GRID2: variants seen among roughly 807,000 people sequenced by gnomAD.
GRID2 encodes the protein glutamate receptor ionotropic, delta-2.
GRID2 carries 33 observed loss-of-function variants against 114.8 expected under a neutral mutation model. The ratio of observed to expected loss-of-function variants is 0.29; its 90% confidence interval spans 0.22 to 0.38. The LOEUF is 0.38. Among genes scored for constraint, GRID2 ranks in the 10% least tolerant of loss-of-function variants. The pLI is 1.00. For missense variants in GRID2, 1,184 were observed against 1,257.7 expected (o/e 0.94, Z 0.89); for synonymous variants, 505 against 449.9 (o/e 1.12, Z -1.55).
intron 2 of GRID2, among the ~76,000 whole-genome samples, chr4:92,634,113 G>GC: frequency 7.3e-6 from 1 of 136,322 alleles, no homozygotes; most frequent in East Asian, 2.4e-4. Context: ...AACAAAAATT[G>GC]CAAAAAAAAA....
intron 2 of GRID2, among the ~76,000 whole-genome samples, chr4:92,811,791 A>G (rs1166023647): frequency 6.6e-6 from 1 of 152,128 alleles, no homozygotes; most frequent in African/African-American, 2.4e-5. Context: ...TAACAATGTG[A>G]ATATCATTGA....
intron 3 of GRID2, among the ~76,000 whole-genome samples, chr4:93,094,154 A>G (rs574017458): frequency 6.6e-6 from 1 of 152,112 alleles, no homozygotes; most frequent in East Asian, 1.9e-4. Flanking sequence ...TGCTTCAGGA[A>G]AAAAAGGGTG....
chr4:92,527,644 G>A (rs964633982), intron 1 of GRID2, among the ~76,000 whole-genome samples: 3 of 151,946 alleles, frequency 2.0e-5, no homozygotes, highest in African/African-American at 7.2e-5. Flanking sequence ...CTATGGCAAA[G>A]GTAATAAGAC....
intron 2 of GRID2, among the ~76,000 whole-genome samples, chr4:92,763,664 A>C (rs574676636): frequency 2.0e-5 from 3 of 152,280 alleles, no homozygotes; most frequent in Non-Finnish European, 2.9e-5. Flanking sequence ...AATTTTTTGT[A>C]GGATGATCAT....
At chr4:93,316,316 GA>G (rs1560490660) in intron 8 of GRID2, among the ~76,000 whole-genome samples, 28,847 of 137,930 alleles carry the variant, frequency 0.21, 5,013 homozygotes, top group East Asian at 0.52. Flanking sequence ...AAGAAAGAAA[GA>G]AAGAAAGAAA....
chr4:92,884,726 C>A, intron 2 of GRID2: 1 of 228,046 alleles, frequency 4.4e-6, no homozygotes, highest in Admixed American at 5.6e-5. Flanking sequence ...TACCTGAAGC[C>A]TCCTTTAATG....
chr4:92,720,504 A>T (rs1184730670), intron 2 of GRID2, among the ~76,000 whole-genome samples: 3 of 151,964 alleles, frequency 2.0e-5, no homozygotes, highest in Admixed American at 6.6e-5. Flanking sequence ...TACACTAATT[A>T]AAAAAAGCTC....
chr4:93,608,199 T>C (rs1287913434), intron 13 of GRID2, among the ~76,000 whole-genome samples: 1 of 150,418 alleles, frequency 6.6e-6, no homozygotes, highest in East Asian at 1.9e-4. Flanking sequence ...AAAAATTCCT[T>C]CCTTATATGT....
intron 2 of GRID2, among the ~76,000 whole-genome samples, chr4:92,653,671 T>TCA (rs1458810356): frequency 6.6e-6 from 1 of 152,086 alleles, no homozygotes; most frequent in Non-Finnish European, 1.5e-5. Flanking sequence ...ATGCTGTACT[T>TCA]GCTGGATGTT....
chr4:93,174,986 A>G (rs1345277575), intron 4 of GRID2, among the ~76,000 whole-genome samples: 3 of 152,094 alleles, frequency 2.0e-5, no homozygotes, highest in Non-Finnish European at 4.4e-5. Context: ...TAAATGTCCA[A>G]TAGTGTAATT....
In GRID2 at chr4:92,701,741, C is replaced by A. The variant is rs181964965; in HGVS notation, c.244+111455C>A. On this transcript the variant is annotated intron_variant, in intron 2 of 15. Coordinates refer to ENST00000282020, the MANE Select transcript of GRID2 (RefSeq NM_001510.4). ...CCTCAATTATATAGCACTATCAAATCAAAAATTAGACTTTTGGCATATGAT... is the reference window on the plus strand; with the variant it reads ...CCTCAATTATATAGCACTATCAAATAAAAAATTAGACTTTTGGCATATGAT... 3.7e-3 allele frequency among the ~76,000 whole-genome samples: 558 copies of A among 152,184 alleles called. 1 individual carries two copies. Among genetic ancestry groups the A allele is most frequent in the Non-Finnish European group, 6.3e-3 (431 of 68,004 alleles).
rs180693151 is a variant in GRID2, at chr4:92,836,803, C to T, written c.244+246517C>T. Among the ~76,000 whole-genome samples, 212 of 152,068 alleles carry T rather than the reference C, an allele frequency of 1.4e-3. 1 individual carries two copies. The South Asian group carries it at 0.022, about 16-fold the overall frequency. On this transcript the variant is annotated intron_variant, in intron 2 of 15. Transcript: ENST00000282020. Reference sequence around the variant, plus strand: ...TTGACTTAGTTTAGTATTTGGTAAACCACATAGACTACAAAATAGTCCCAT... The same window carrying T: ...TTGACTTAGTTTAGTATTTGGTAAATCACATAGACTACAAAATAGTCCCAT...
chr4:92,629,912 T>C (rs1241677268), intron 2 of GRID2, among the ~76,000 whole-genome samples: 1 of 147,742 alleles, frequency 6.8e-6, no homozygotes, highest in African/African-American at 2.4e-5. Flanking sequence ...TTATAAATTA[T>C]ATAATTATAT....
At position 92,548,401 on chromosome 4, in the gene GRID2, ATTTTTT is replaced by A. The variant is rs61653263; in HGVS notation, c.89-41717_89-41712del. 4.4e-4 allele frequency among the ~76,000 whole-genome samples: 27 copies of A among 60,808 alleles called. 4 individuals are homozygous for A. Among genetic ancestry groups the A allele is most frequent in the African/African-American group, 2.1e-3 (25 of 11,760 alleles). The allele number at this position is 60,808 out of a possible 152,430, so 39.9% of individuals were successfully genotyped here. On this transcript the variant is annotated intron_variant, in intron 1 of 15. Coordinates refer to ENST00000282020, the MANE Select transcript of GRID2 (RefSeq NM_001510.4). ...ATGAAGACATTTCTGAGACTGTGTA[ATTTTTT>A]TTTTTTTTTTTTGAGACAGAGTCTT...
At position 93,315,151 on chromosome 4, in the gene GRID2, C is replaced by T. The variant is rs530290189; in HGVS notation, c.1245+76661C>T. 4.6e-5 allele frequency among the ~76,000 whole-genome samples: 7 copies of T among 152,164 alleles called. No individual in the cohort carries two copies. The South Asian group carries it at 1.5e-3, about 32-fold the overall frequency. Reference sequence around the variant, plus strand: ...GAAAAACTACCATTTACAAAACCATCAGATCTTTTGAGAATTCACTCACCA... The same window carrying T: ...GAAAAACTACCATTTACAAAACCATTAGATCTTTTGAGAATTCACTCACCA... On this transcript the variant is annotated intron_variant, in intron 8 of 15. Coordinates refer to ENST00000282020, the MANE Select transcript of GRID2 (RefSeq NM_001510.4).
intron 2 of GRID2, among the ~76,000 whole-genome samples, chr4:92,911,608 C>T (rs1181993152): frequency 4.0e-5 from 6 of 151,524 alleles, no homozygotes; most frequent in African/African-American, 7.3e-5. Context: ...ATTTTAGGAC[C>T]ACAAAACAAT....
chr4:92,689,441 C>T (rs557347094), intron 2 of GRID2, among the ~76,000 whole-genome samples: 3 of 152,282 alleles, frequency 2.0e-5, no homozygotes, highest in South Asian at 2.1e-4. Flanking sequence ...TCCCCAACCA[C>T]GGGGCCAGTT....
intron 8 of GRID2, among the ~76,000 whole-genome samples, chr4:93,293,722 T>A (rs1055601335): frequency 6.6e-6 from 1 of 152,194 alleles, no homozygotes; most frequent in African/African-American, 2.4e-5. Flanking sequence ...TGTTTTTGGC[T>A]GTGTTATTAA....
intron 8 of GRID2, among the ~76,000 whole-genome samples, chr4:93,360,103 ACTTCTTTATAG>A (rs1761750682): frequency 1.3e-5 from 2 of 151,890 alleles, no homozygotes; most frequent in East Asian, 3.9e-4. Flanking sequence ...TAATGAGACA[ACTTCTTTATAG>A]CTGCGATAAT....
Sources: allele counts gnomAD v4.1 joint callset (sites outside exome capture counted in the v4.1 genomes callset), GRCh38; gene constraint gnomAD v4.1.1; transcripts MANE v1.5; gene names NCBI Gene and HGNC (gene_info 2026-07-23, HGNC 2026-07-21).